The following DOHH variants were observed in gnomAD, a reference collection of about 807,000 sequenced individuals.
DOHH encodes the protein HEAT-like (PBS lyase) repeat containing 1.
In DOHH, 16 loss-of-function variants were observed where a neutral mutation model predicts 19.9. The observed-to-expected ratio is 0.80, with a 90% confidence interval of 0.54 to 1.22. The LOEUF is 1.22. Ranked by LOEUF, DOHH falls within the 50% of genes most tolerant of loss-of-function variation. The pLI, the probability that DOHH is intolerant of heterozygous loss-of-function variation, is 0.00. For synonymous variants in DOHH, 233 were observed against 217.0 expected, an observed-to-expected ratio of 1.07 and a Z score of -0.65; for missense variants, 460 against 460.6, an observed-to-expected ratio of 1.00 and a Z score of 0.01.
Position 3,491,607 on chromosome 19 carries a change from G to A in DOHH, c.794C>T (p.Pro265Leu). ...GCAGCTCTCACGCACCACGCGCTCT[G>A]GGTCGTCCGCGTGAGCCTGCAGCGC... ...LAALQAHADD[P>L]ERVVRESCEV... Residue 265 changes from proline to leucine, a missense_variant, in exon 5 of 5, where the codon CCA (proline) becomes CTA (leucine). Transcript: ENST00000427575. This position sits in a 1 kb window ranked among gnomAD's most constrained non-coding sequence, Gnocchi z 5.6. 6.5e-7 allele frequency: 1 copy of A among 1,535,958 alleles called. No individual in the cohort carries two copies. Among genetic ancestry groups the A allele is most frequent in the Non-Finnish European group, 8.7e-7 (1 of 1,146,456 alleles).
intron 2 of DOHH, among the ~76,000 whole-genome samples, chr19:3,494,708 G>A (rs2082895899): frequency 6.6e-6 from 1 of 152,180 alleles, no homozygotes; most frequent in South Asian, 2.1e-4. Context: ...TCTCAGAATC[G>A]AGCTCAAGGG....
At position 3,494,014 on chromosome 19, in the gene DOHH, A is replaced by T. The variant is rs200540157; in HGVS notation, c.351+14T>A. On this transcript the variant is annotated intron_variant, in intron 3 of 4. Coordinates refer to ENST00000427575, the MANE Select transcript of DOHH (RefSeq NM_001145165.2). ...ACCCGAGACTGGCAGGGAGACAAGCAGGGGCCTGGTTACCTCGATGACGGG... is the reference window on the plus strand; with the variant it reads ...ACCCGAGACTGGCAGGGAGACAAGCTGGGGCCTGGTTACCTCGATGACGGG... 344 of 1,610,898 alleles carry T rather than the reference A, an allele frequency of 2.1e-4. 2 individuals carry two copies. In the African/African-American group the frequency reaches 4.1e-3, roughly 19 times the overall value.
At position 3,492,560 on chromosome 19, in the gene DOHH, A is replaced by G. The variant is rs1316665716; in HGVS notation, c.352-61T>C. ...TGGGGGGTCGCAGGGGCCCTTCCCC[A>G]CCCCCCGGGATGGCAGCTTAGCAGG... is the stretch of plus-strand genomic sequence containing the variant. On this transcript the variant is annotated intron_variant, in intron 3 of 4. Coordinates refer to ENST00000427575, the MANE Select transcript of DOHH (RefSeq NM_001145165.2). 1.2e-5 allele frequency: 15 copies of G among 1,270,454 alleles called. No individual in the cohort carries two copies. The East Asian group carries it at 4.1e-4, about 35-fold the overall frequency. The allele number at this position is 1,270,454 out of a possible 1,614,324, so 78.7% of individuals were successfully genotyped here. A position where few individuals can be genotyped will look rare whatever the true frequency, so the allele number is the denominator to read the frequency against.
intron 1 of DOHH, among the ~76,000 whole-genome samples, chr19:3,498,099 C>G (rs2082923290): frequency 1.3e-5 from 2 of 152,192 alleles, no homozygotes; most frequent in Non-Finnish European, 2.9e-5. Context: ...TCTTCCCTCT[C>G]TAGCTCCACT....
At position 3,492,440 on chromosome 19, in the gene DOHH, C is replaced by T; in HGVS notation, c.411G>A (p.Gly137=). The T allele has an allele frequency of 1.3e-6, 2 of 1,484,262 alleles. No homozygotes were observed. The highest frequency in any genetic ancestry group is 1.8e-6 in the Non-Finnish European group (2 of 1,123,660). The allele number at this position is 1,484,262 out of a possible 1,614,324, so 91.9% of individuals were successfully genotyped here. A position where few individuals can be genotyped will look rare whatever the true frequency, so the allele number is the denominator to read the frequency against. ...RRLEWLQQHG[G]EPAAGPYLSV... ...AGAGGTAGGGTCCCGCCGCCGGCTCCCCGCCGTGCTGCTGCAGCCACTCCA... is the reference window on the plus strand; with the variant it reads ...AGAGGTAGGGTCCCGCCGCCGGCTCTCCGCCGTGCTGCTGCAGCCACTCCA... The change falls in exon 4 of 5, where the codon GGG becomes GGA. Residue 137 remains glycine, a synonymous_variant. Coordinates refer to ENST00000427575, the MANE Select transcript of DOHH (RefSeq NM_001145165.2).
At chr19:3,494,726 T>TG (rs1479236242) in intron 2 of DOHH, among the ~76,000 whole-genome samples, 2 of 152,260 alleles carry the variant, frequency 1.3e-5, no homozygotes, top group Non-Finnish European at 2.9e-5. Flanking sequence ...GGGCCCTGCC[T>TG]GTGAGGCAGC....
In DOHH at chr19:3,491,507, G is replaced by T. The variant is rs749005433; in HGVS notation, c.894C>A (p.Arg298=). The change falls in exon 5 of 5, where the codon CGC becomes CGA. Residue 298 remains arginine, a synonymous_variant. Coordinates refer to ENST00000427575, the MANE Select transcript of DOHH (RefSeq NM_001145165.2). This position sits in a 1 kb window ranked among gnomAD's most constrained non-coding sequence, Gnocchi z 5.6. The part of the protein sequence containing the change: ...FQYADGLEQL[R]GAPS ...GGGTGGGGCCCTAGGAGGGGGCCCCGCGCAGCTGCTCCAGGCCGTCCGCGT... is the reference window on the plus strand; with the variant it reads ...GGGTGGGGCCCTAGGAGGGGGCCCCTCGCAGCTGCTCCAGGCCGTCCGCGT... The T allele has an allele frequency of 2.6e-6, 4 of 1,534,244 alleles. No homozygotes were observed. The Admixed American group carries it at 5.9e-5, about 23-fold the overall frequency.
Position 3,496,565 on chromosome 19 carries a change from C to A in DOHH, c.250G>T (p.Glu84Ter). The A allele has an allele frequency of 6.2e-7, 1 of 1,613,216 alleles. No homozygotes were observed. Among genetic ancestry groups the A allele is most frequent in the Non-Finnish European group, 8.5e-7 (1 of 1,179,726 alleles). Residue 84 changes from glutamate (E) to a stop codon, truncating the protein, a stop_gained, in exon 2 of 5, where the codon GAG (glutamate) becomes TAG (stop). Transcript: ENST00000427575. LOFTEE classifies it high-confidence loss of function. The surrounding 1 kb of genome is among the most constrained non-coding windows in gnomAD (Gnocchi z 4.8). ...LVDVLQDTRQEPMVRHEAGEA... is the reference protein window; with the variant it reads ...LVDVLQDTRQ ...CCTGCCTCATGGCGCACCATGGGCT[C>A]CTGACGGGTGTCTTGCAGCACGTCC...
At position 3,496,147 on chromosome 19, in the gene DOHH, G is replaced by A. The variant is rs952771995; in HGVS notation, c.274+394C>T. ...CCGCCTCAGCCTCCCAAGTGGCTGC[G>A]ACTACAGGTGCATGCCACCATGCCT... On this transcript the variant is annotated intron_variant, in intron 2 of 4. Transcript: ENST00000427575. This position sits in a 1 kb window ranked among gnomAD's most constrained non-coding sequence, Gnocchi z 4.8. 6.6e-6 allele frequency among the ~76,000 whole-genome samples: 1 copy of A among 152,102 alleles called. No individual in the cohort carries two copies. The highest frequency in any genetic ancestry group is 1.5e-5 in the Non-Finnish European group (1 of 68,028).
intron 1 of DOHH, among the ~76,000 whole-genome samples, chr19:3,498,876 C>T (rs1319392844): frequency 6.6e-6 from 1 of 152,134 alleles, no homozygotes; most frequent in Non-Finnish European, 1.5e-5. Flanking sequence ...CACCTGGACC[C>T]ATTTAGATTA....
rs981506846 is a variant in DOHH at position 3,499,963 on chromosome 19, T to A, written c.-73+598A>T. ...AGGAAACTGAGGCACAGTTTGGGAC[T>A]GTGCTTGGGAACTTGCTTGGGAGCA... On this transcript the variant is annotated intron_variant, in intron 1 of 4. Transcript: ENST00000427575. Among the ~76,000 whole-genome samples, 8 of 152,318 alleles carry A rather than the reference T, an allele frequency of 5.3e-5. No individual in the cohort carries two copies. The East Asian group carries it at 1.5e-3, about 29-fold the overall frequency.
rs778426380 is a variant in DOHH, at chr19:3,496,767, G to A, written c.48C>T (p.Asp16=). 6.2e-7 allele frequency: 1 copy of A among 1,606,040 alleles called. No homozygotes were observed. The highest frequency in any genetic ancestry group is 1.1e-5 in the South Asian group (1 of 90,942). ...EVDAIGQTLV[D]PKQPLQARFR... The stretch of plus-strand genomic sequence containing the variant: ...AGCGGGCCTGCAGGGGCTGCTTGGG[G>A]TCCACCAGCGTCTGCCCGATGGCAT... Residue 16 remains aspartate (D), a synonymous_variant, in exon 2 of 5, where the codon GAC becomes GAT. Transcript: ENST00000427575. This position sits in a 1 kb window ranked among gnomAD's most constrained non-coding sequence, Gnocchi z 4.8.
chr19:3,500,364 C>T (rs1374115666), intron 1 of DOHH, among the ~76,000 whole-genome samples, 197 bp downstream of exon 1: 3 of 152,294 alleles, frequency 2.0e-5, no homozygotes, highest in Non-Finnish European at 2.9e-5. Context: ...GACATAGGAG[C>T]TTCAGGACGT....
chr19:3,491,329 G>T lies in DOHH; in HGVS notation c.*163C>A. The stretch of plus-strand genomic sequence containing the variant: ...GGGACTCAGGGAGTCACAGCACAAC[G>T]GCAGCTCCTCGGTCCCAGACGGAGG... On this transcript the variant is annotated 3_prime_UTR_variant, in exon 5 of 5. Coordinates refer to ENST00000427575, the MANE Select transcript of DOHH (RefSeq NM_001145165.2). The surrounding 1 kb of genome is among the most constrained non-coding windows in gnomAD (Gnocchi z 5.6). 1.4e-6 allele frequency: 1 copy of T among 730,964 alleles called. No individual in the cohort carries two copies. The highest frequency in any genetic ancestry group is 2.2e-6 in the Non-Finnish European group (1 of 458,820). 45.3% of individuals were successfully genotyped at this position (730,964 alleles called of 1,614,324 possible). A position where few individuals can be genotyped will look rare whatever the true frequency, so the allele number is the denominator to read the frequency against.
intron 3 of DOHH, among the ~76,000 whole-genome samples, chr19:3,493,142 C>T (rs1463929346): frequency 1.1e-4 from 17 of 151,004 alleles, no homozygotes; most frequent in Admixed American, 1.1e-3. Flanking sequence ...CACCACGGAA[C>T]GTGACTCAGC....
At position 3,491,525 on chromosome 19, in the gene DOHH, G is replaced by A. The variant is rs1599757597; in HGVS notation, c.876C>T (p.Asp292=). 2.6e-6 allele frequency: 4 copies of A among 1,535,382 alleles called. No individual in the cohort carries two copies. Among genetic ancestry groups the A allele is most frequent in the East Asian group, 2.4e-5 (1 of 40,894 alleles). ...GGGCCCCGCGCAGCTGCTCCAGGCC[G>A]TCCGCGTACTGGAAGGCCCGCCCGG... ...HETGRAFQYA[D]GLEQLRGAPS is the part of the protein sequence containing the mutation. Residue 292 remains aspartate (D), a synonymous_variant, in exon 5 of 5, where the codon GAC becomes GAT. Coordinates refer to ENST00000427575, the MANE Select transcript of DOHH (RefSeq NM_001145165.2). This position sits in a 1 kb window ranked among gnomAD's most constrained non-coding sequence, Gnocchi z 5.6.
chr19:3,492,559 C>T, intron 3 of DOHH, 60 bp from the exon 4 acceptor site: 1 of 1,282,566 alleles, frequency 7.8e-7, no homozygotes, highest in Non-Finnish European at 1.0e-6. Flanking sequence ...GGCCCTTCCC[C>T]ACCCCCCGGG....
chr19:3,499,186 C>T (rs1157282500), intron 1 of DOHH, among the ~76,000 whole-genome samples: 1 of 152,152 alleles, frequency 6.6e-6, no homozygotes, highest in Non-Finnish European at 1.5e-5. Flanking sequence ...CCAGGAACAC[C>T]CGTGCTCATC....
chr19:3,494,018 G>A lies in DOHH; in HGVS notation c.351+10C>T, dbSNP rs770266870. 6.8e-6 allele frequency: 11 copies of A among 1,611,812 alleles called. No individual in the cohort carries two copies. In the South Asian group the frequency reaches 9.9e-5, roughly 15 times the overall value. Reference sequence around the variant, plus strand: ...GAGACTGGCAGGGAGACAAGCAGGGGCCTGGTTACCTCGATGACGGGGTCC... The same window carrying A: ...GAGACTGGCAGGGAGACAAGCAGGGACCTGGTTACCTCGATGACGGGGTCC... On this transcript the variant is annotated intron_variant, in intron 3 of 4. Coordinates refer to ENST00000427575, the MANE Select transcript of DOHH (RefSeq NM_001145165.2).
Sources: gnomAD v4.1 joint callset for allele counts (sites outside exome capture counted in the v4.1 genomes callset) on GRCh38, gnomAD v4.1.1 for gene constraint, Gnocchi (gnomAD v3.1) non-coding constraint, MANE v1.5 for transcripts, NCBI Gene and HGNC (gene_info 2026-07-23, HGNC 2026-07-21) for gene names.